CCSER1: variants seen among roughly 807,000 people sequenced by gnomAD.
CCSER1 encodes coiled-coil serine rich protein 1, also known as serine-rich coiled-coil domain-containing protein 1.
In CCSER1, 41 loss-of-function variants were observed where a neutral mutation model predicts 82.0. The observed-to-expected ratio is 0.50, with a 90% confidence interval of 0.39 to 0.65. The LOEUF (loss-of-function observed/expected upper bound fraction) is 0.65. CCSER1 is among the 30% of genes least tolerant of loss of function. The probability of loss-of-function intolerance (pLI) is 0.00; values close to 1 mark genes in which losing one functional copy is unlikely to be tolerated. For synonymous variants in CCSER1, 414 were observed against 383.9 expected (o/e 1.08, Z -0.92); for missense variants, 1,119 against 1,064.2 (o/e 1.05, Z -0.72).
intron 3 of CCSER1, among the ~76,000 whole-genome samples, chr4:90,397,517 A>G (rs1333849304): frequency 3.3e-5 from 5 of 152,228 alleles, no homozygotes; most frequent in African/African-American, 1.2e-4. Context: ...AACAGGAACA[A>G]CATGACCTAC....
intron 10 of CCSER1, among the ~76,000 whole-genome samples, chr4:91,207,684 TG>T (rs987991227): frequency 6.6e-6 from 1 of 151,988 alleles, no homozygotes; most frequent in Non-Finnish European, 1.5e-5. Context: ...AGTGCTGCGG[TG>T]AACATACATG....
chr4:91,267,557 A>G (rs549568266), intron 10 of CCSER1, among the ~76,000 whole-genome samples: 33 of 152,334 alleles, frequency 2.2e-4, no homozygotes, highest in South Asian at 6.2e-4. Context: ...AGAGAACTCT[A>G]AAATAATTAG....
At chr4:91,590,072 A>G (rs1764194389) in intron 10 of CCSER1, among the ~76,000 whole-genome samples, 2 of 152,038 alleles carry the variant, frequency 1.3e-5, no homozygotes, top group Admixed American at 1.3e-4. Flanking sequence ...TCCTTTGAAG[A>G]GAGAGAGGTG....
At chr4:91,165,236 C>G (rs935412190) in intron 10 of CCSER1, among the ~76,000 whole-genome samples, 1 of 152,128 alleles carries the variant, frequency 6.6e-6, no homozygotes, top group Non-Finnish European at 1.5e-5. Context: ...CACTCCAGAC[C>G]CTGTTTGCCT....
At chr4:91,144,202 T>G (rs1416110689) in intron 10 of CCSER1, among the ~76,000 whole-genome samples, 7 of 152,034 alleles carry the variant, frequency 4.6e-5, no homozygotes, top group Non-Finnish European at 1.0e-4. Context: ...GGTCATGTGT[T>G]TCCAGGAATT....
chr4:91,484,905 C>T (rs556074102), intron 10 of CCSER1, among the ~76,000 whole-genome samples: 10 of 152,268 alleles, frequency 6.6e-5, no homozygotes, highest in African/African-American at 2.4e-4. Flanking sequence ...GTGGCTATTA[C>T]AGTTAAAATG....
At chr4:91,185,998 G>C (rs1734495400) in intron 10 of CCSER1, among the ~76,000 whole-genome samples, 1 of 152,248 alleles carries the variant, frequency 6.6e-6, no homozygotes, top group Admixed American at 6.5e-5. Context: ...TTTCCCTGTT[G>C]ATCTGGGGGG....
chr4:90,930,354 C>T (rs1729580037), intron 9 of CCSER1, among the ~76,000 whole-genome samples: 1 of 152,014 alleles, frequency 6.6e-6, no homozygotes, highest in Non-Finnish European at 1.5e-5. Context: ...GTAATCCCAG[C>T]ACTTTGGGAG....
At chr4:91,582,207 G>C (rs569696463) in intron 10 of CCSER1, among the ~76,000 whole-genome samples, 1 of 151,442 alleles carries the variant, frequency 6.6e-6, no homozygotes. Flanking sequence ...CTACATGTAG[G>C]CAAGAAGAAG....
At chr4:90,287,865 A>G (rs901246965) in intron 1 of CCSER1, among the ~76,000 whole-genome samples, 2 of 151,848 alleles carry the variant, frequency 1.3e-5, no homozygotes, top group Non-Finnish European at 2.9e-5. Flanking sequence ...TGACTTTTCC[A>G]TTGTGATTGT....
intron 10 of CCSER1, among the ~76,000 whole-genome samples, chr4:91,209,176 T>C (rs1296838907): frequency 1.3e-5 from 2 of 151,798 alleles, no homozygotes; most frequent in Admixed American, 6.6e-5. Flanking sequence ...AGTTTGACTT[T>C]CTTTATTTCT....
chr4:90,210,117 G>A (rs1049469431), intron 1 of CCSER1, among the ~76,000 whole-genome samples: 3 of 151,954 alleles, frequency 2.0e-5, no homozygotes, highest in Admixed American at 1.3e-4. Context: ...TCTTTCAATG[G>A]CCCAAGAAAC....
At chr4:90,353,657 A>G (rs1743895463) in intron 3 of CCSER1, among the ~76,000 whole-genome samples, 1 of 152,220 alleles carries the variant, frequency 6.6e-6, no homozygotes, top group Non-Finnish European at 1.5e-5. Flanking sequence ...CCAAGCTAGC[A>G]ACAGAAAACA....
intron 5 of CCSER1, among the ~76,000 whole-genome samples, chr4:90,535,502 A>AT (rs1775204919): frequency 6.6e-6 from 1 of 152,136 alleles, no homozygotes; most frequent in African/African-American, 2.4e-5. Context: ...TTTAAAGAGA[A>AT]TTTTTTTAAA....
chr4:90,818,197 T>C (rs1251584284), intron 8 of CCSER1, among the ~76,000 whole-genome samples: 2 of 151,980 alleles, frequency 1.3e-5, no homozygotes, highest in East Asian at 3.9e-4. Context: ...TGAGTTAGCC[T>C]CATCAATAGT....
chr4:90,708,288 G>A (rs575842877), intron 6 of CCSER1, among the ~76,000 whole-genome samples: 3 of 152,206 alleles, frequency 2.0e-5, no homozygotes, highest in Non-Finnish European at 2.9e-5. Flanking sequence ...TAATGTTCTC[G>A]CTCAGACCTT....
chr4:91,436,199 C>T (rs1754638456), intron 10 of CCSER1, among the ~76,000 whole-genome samples: 1 of 152,152 alleles, frequency 6.6e-6, no homozygotes, highest in Non-Finnish European at 1.5e-5. Flanking sequence ...ATGCCATCTT[C>T]CCTCTTACTT....
At chr4:91,433,147 G>T (rs1211789787) in intron 10 of CCSER1, among the ~76,000 whole-genome samples, 1 of 152,062 alleles carries the variant, frequency 6.6e-6, no homozygotes, top group African/African-American at 2.4e-5. Flanking sequence ...AATTTGATTA[G>T]CAATTCTTCT....
chr4:91,145,010 T>C (rs977811999), intron 10 of CCSER1, among the ~76,000 whole-genome samples: 1 of 152,060 alleles, frequency 6.6e-6, no homozygotes. Flanking sequence ...TCAGTATTTC[T>C]TTGTTAGTTT....
Sources: gnomAD v4.1 joint callset for allele counts (sites outside exome capture counted in the v4.1 genomes callset) on GRCh38, gnomAD v4.1.1 for gene constraint, MANE v1.5 for transcripts, NCBI Gene and HGNC (gene_info 2026-07-23, HGNC 2026-07-21) for gene names.